Variants in SACS observed in about 807,000 individuals in gnomAD.
SACS encodes sacsin molecular chaperone.
SACS carries 197 observed loss-of-function variants against 348.0 expected under a neutral mutation model. The observed-to-expected ratio is 0.57, with a 90% CI of 0.50 to 0.64. The LOEUF is 0.64. Among genes scored for constraint, SACS ranks in the 30% least tolerant of loss-of-function variants. The pLI is 0.00. For synonymous variants in SACS, 1,985 were observed against 1,910.6 expected, an observed-to-expected ratio of 1.04 and a Z score of -1.02; for missense variants, 4,999 against 5,360.8, an observed-to-expected ratio of 0.93 and a Z score of 2.11.
intron 9 of SACS, among the ~76,000 whole-genome samples, chr13:23,346,139 GTTTGTT>G (rs1869585878): frequency 6.6e-6 from 1 of 152,008 alleles, no homozygotes; most frequent in Admixed American, 6.6e-5. Context: ...TGTTCTTTTT[GTTTGTT>G]TTTGTTTTTG....
intron 2 of SACS, among the ~76,000 whole-genome samples, chr13:23,394,112 C>G (rs80341290): frequency 0.084 from 12,784 of 152,242 alleles, 704 homozygotes; most frequent in East Asian, 0.13. Context: ...CCAAGCGAAC[C>G]AACCACGTGA....
chr13:23,373,231 A>T (rs542932195), intron 3 of SACS, among the ~76,000 whole-genome samples: 2 of 152,130 alleles, frequency 1.3e-5, no homozygotes, highest in Non-Finnish European at 2.9e-5. Context: ...AGAATGACAA[A>T]CTGCTCCTTC....
In SACS at chr13:23,376,849, C is replaced by T. The variant is rs149750379; in HGVS notation, c.21-1580G>A. 5.2e-3 allele frequency among the ~76,000 whole-genome samples: 796 copies of T among 152,228 alleles called. 4 individuals are homozygous for T. Among genetic ancestry groups the T allele is most frequent in the Middle Eastern group, 0.041 (12 of 294 alleles). On this transcript the variant is annotated intron_variant, in intron 2 of 9. Transcript: ENST00000382292. ...GGTGGATTACTTGAGGTCAGGAGTT[C>T]GAGACCAGCCTGGCCAACATGGTGA...
chr13:23,370,958 C>G, intron 4 of SACS, 120 bp downstream of exon 4: 1 of 545,710 alleles, frequency 1.8e-6, no homozygotes, highest in Non-Finnish European at 3.3e-6. Context: ...TGCCACTGCA[C>G]TCCAGCCTGG....
At chr13:23,383,530 T>C (rs1872154214) in intron 2 of SACS, among the ~76,000 whole-genome samples, 1 of 152,314 alleles carries the variant, frequency 6.6e-6, no homozygotes, top group African/African-American at 2.4e-5. Flanking sequence ...CCCAGAGCTC[T>C]GCAGGCCTGT....
chr13:23,354,691 G>A lies in SACS; in HGVS notation c.1921C>T (p.Leu641=). The A allele has an allele frequency of 6.2e-7, 1 of 1,614,102 alleles. No individual in the cohort carries two copies. The highest frequency in any genetic ancestry group is 8.5e-7 in the Non-Finnish European group (1 of 1,180,000). The change falls in exon 8 of 10, where the codon CTG becomes TTG. Residue 641 remains leucine (L), a synonymous_variant. Transcript: ENST00000382292. The part of the protein sequence containing the change: ...VRQVLRKCAH[L]GCAEEKLHLL... ...TGAAGCTTTTCTTCAGCACAGCCCA[G>A]GTGTGCACACTTCCGCAGCACCTGC...
At position 23,329,951 on chromosome 13, in the gene SACS, TTC is replaced by T. The variant is rs1293912734; in HGVS notation, c.*183_*184del. On this transcript the variant is annotated 3_prime_UTR_variant, in exon 10 of 10. Coordinates refer to ENST00000382292, the MANE Select transcript of SACS (RefSeq NM_014363.6). ...GCTCACCACCATCTTCAAAATAGTT[TTC>T]TTTTAGATTCAGTTAAGGTTTTCCG... 3.2e-6 allele frequency: 2 copies of T among 619,066 alleles called. No individual in the cohort carries two copies. Among genetic ancestry groups the T allele is most frequent in the African/African-American group, 3.7e-5 (2 of 54,210 alleles). The allele number at this position is 619,066 out of a possible 1,614,324, so 38.3% of individuals were successfully genotyped here.
chr13:23,335,121 C>A lies in SACS; in HGVS notation c.8755G>T (p.Ala2919Ser), dbSNP rs886050079. The change falls in exon 10 of 10, where the codon GCT (alanine) becomes TCT (serine). Residue 2919 changes from alanine to serine, a missense_variant. Around this residue, in one of 6 missense-constraint regions of SACS, gnomAD observed 734 missense variants for 694.0 expected, o/e 1.06. Coordinates refer to ENST00000382292, the MANE Select transcript of SACS (RefSeq NM_014363.6). The surrounding 1 kb of genome is among the most constrained non-coding windows in gnomAD (Gnocchi z 4.7). ...WNNSLMTALI[A>S]PAYVELLIQL... ...ATTAGCAATTCAACATATGCAGGAG[C>A]TATTAATGCTGTCATTAAACTGTTA... 1.9e-6 allele frequency: 3 copies of A among 1,613,846 alleles called. No homozygotes were observed. Among genetic ancestry groups the A allele is most frequent in the Non-Finnish European group, 2.5e-6 (3 of 1,179,844 alleles).
At chr13:23,372,334 C>G (rs117564913) in intron 3 of SACS, among the ~76,000 whole-genome samples, 1 of 152,144 alleles carries the variant, frequency 6.6e-6, no homozygotes, top group Non-Finnish European at 1.5e-5. Flanking sequence ...TGTAACACAG[C>G]GGCTCAATAA....
In SACS at chr13:23,410,065, G is replaced by T. The variant is rs571848133; in HGVS notation, c.20+1155C>A. ...TCACCTTTGATTTGAAAAAAAGTCT[G>T]GTTCCAAAACTAGGAGGGAATGCAT... On this transcript the variant is annotated intron_variant, in intron 2 of 9. Coordinates refer to ENST00000382292, the MANE Select transcript of SACS (RefSeq NM_014363.6). Among the ~76,000 whole-genome samples the T allele has an allele frequency of 2.0e-5, 3 of 151,834 alleles. No individual in the cohort carries two copies. The South Asian group carries it at 6.2e-4, about 31-fold the overall frequency.
At chr13:23,420,962 G>T (rs1205165385) in intron 1 of SACS, among the ~76,000 whole-genome samples, 1 of 152,028 alleles carries the variant, frequency 6.6e-6, no homozygotes, top group African/African-American at 2.4e-5. Context: ...GGGTGTTGGT[G>T]TCCACCAGGA....
At position 23,406,565 on chromosome 13, in the gene SACS, A is replaced by C. The variant is rs184873156; in HGVS notation, c.20+4655T>G. On this transcript the variant is annotated intron_variant, in intron 2 of 9. Transcript: ENST00000382292. Reference sequence around the variant, plus strand: ...CTAATATTAAGTATTATTTCTCCTAATATCAACTAAATAACTGCCAATTCC... The same window carrying C: ...CTAATATTAAGTATTATTTCTCCTACTATCAACTAAATAACTGCCAATTCC... 2.3e-4 allele frequency among the ~76,000 whole-genome samples: 35 copies of C among 152,326 alleles called. 1 individual carries two copies. The East Asian group carries it at 6.8e-3, about 29-fold the overall frequency.
intron 2 of SACS, among the ~76,000 whole-genome samples, chr13:23,402,067 A>G (rs968853478): frequency 1.3e-5 from 2 of 151,864 alleles, no homozygotes; most frequent in African/African-American, 4.8e-5. Flanking sequence ...AGTCCCAGCT[A>G]CTCGGGAGAC....
intron 2 of SACS, among the ~76,000 whole-genome samples, chr13:23,387,960 T>C (rs972237849): frequency 6.6e-6 from 1 of 152,186 alleles, no homozygotes; most frequent in African/African-American, 2.4e-5. Context: ...GATGTTGGCA[T>C]GTATGCGGTG....
chr13:23,330,767 T>A lies in SACS; in HGVS notation c.13109A>T (p.Gln4370Leu). Residue 4370 changes from glutamine (Q) to leucine (L), a missense_variant, in exon 10 of 10, where the codon CAA becomes CTA. By Grantham distance (113) the Gln-to-Leu change is moderately radical (BLOSUM62 -2). Around this residue, in one of 6 missense-constraint regions of SACS, gnomAD observed 254 missense variants for 275.1 expected, o/e 0.92. Coordinates refer to ENST00000382292, the MANE Select transcript of SACS (RefSeq NM_014363.6). ...TCGTCTGGAGGCCCTGTCTGCATTT[T>A]GATCTAGAAAAGCCTGTTTTTCTAA... ...NRLEKQAFLD[Q>L]NADRASRRTF... 1 of 1,613,812 alleles carries A rather than the reference T, an allele frequency of 6.2e-7. No homozygotes were observed. The highest frequency in any genetic ancestry group is 8.5e-7 in the Non-Finnish European group (1 of 1,179,892).
intron 7 of SACS, among the ~76,000 whole-genome samples, chr13:23,356,268 C>T (rs1566081548): frequency 6.6e-6 from 1 of 152,206 alleles, no homozygotes; most frequent in Non-Finnish European, 1.5e-5. Context: ...TTCAAAAACT[C>T]ACTACACAAA....
rs1185607447 is a variant in SACS, at chr13:23,334,408, G to A, written c.9468C>T (p.Leu3156=). The change falls in exon 10 of 10, where the codon CTC becomes CTT. Residue 3156 remains leucine, a synonymous_variant. Transcript: ENST00000382292. The part of the protein sequence containing the change: ...NEIEVEGLPL[L]ITLDSVLQTF... ...TTTGCAAAACACTGTCCAGTGTGAT[G>A]AGAAGGGGCAATCCCTCAACTTCAA... is the stretch of plus-strand genomic sequence containing the variant. 1 of 1,613,088 alleles carries A rather than the reference G, an allele frequency of 6.2e-7. No homozygotes were observed. The highest frequency in any genetic ancestry group is 8.5e-7 in the Non-Finnish European group (1 of 1,179,770).
intron 1 of SACS, among the ~76,000 whole-genome samples, chr13:23,417,283 A>C (rs574430347): frequency 1.3e-5 from 2 of 152,362 alleles, no homozygotes; most frequent in African/African-American, 4.8e-5. Flanking sequence ...TGATCTTGTA[A>C]TTCAAAGCAA....
At chr13:23,395,962 T>TGC (rs1480231807) in intron 2 of SACS, among the ~76,000 whole-genome samples, 1 of 152,214 alleles carries the variant, frequency 6.6e-6, no homozygotes, top group African/African-American at 2.4e-5. Context: ...TGCATGGGAT[T>TGC]GCCAAGTTAA....
Sources: gnomAD v4.1 joint callset for allele counts (sites outside exome capture counted in the v4.1 genomes callset) on GRCh38, gnomAD v4.1.1 for gene constraint, gnomAD v4.1.1 regional missense constraint, Gnocchi (gnomAD v3.1) non-coding constraint, MANE v1.5 for transcripts, NCBI Gene and HGNC (gene_info 2026-07-23, HGNC 2026-07-21) for gene names.